Variants in RALA observed in about 807,000 individuals in gnomAD.
The protein encoded by RALA is RAS like proto-oncogene A.
Under a neutral mutation model 24.0 loss-of-function variants are expected in RALA, and 5 were observed. The observed-to-expected ratio is 0.21, with a 90% CI of 0.11 to 0.44. The LOEUF (loss-of-function observed/expected upper bound fraction) is 0.44, where lower values mean the gene tolerates loss of function less well. RALA is among the 20% of genes least tolerant of loss of function. RALA has a pLI of 0.99. For missense variants in RALA, 95 were observed against 241.2 expected (o/e 0.39, Z 4.01); for synonymous variants, 77 against 83.8 (o/e 0.92, Z 0.44).
At chr7:39,668,480 T>C (rs1467698830) in intron 1 of RALA, among the ~76,000 whole-genome samples, 1 of 152,132 alleles carries the variant, frequency 6.6e-6, no homozygotes, top group East Asian at 1.9e-4. Flanking sequence ...ACATAGCCAT[T>C]AAAAATTACA....
chr7:39,640,805 G>A (rs1791800774), intron 1 of RALA, among the ~76,000 whole-genome samples: 1 of 152,216 alleles, frequency 6.6e-6, no homozygotes, highest in African/African-American at 2.4e-5. Flanking sequence ...TTTGGACCAT[G>A]TGAAGCAAAT....
intron 4 of RALA, among the ~76,000 whole-genome samples, chr7:39,704,173 AAAAAAG>A (rs1423307186): frequency 2.6e-5 from 4 of 152,010 alleles, no homozygotes; most frequent in South Asian, 2.1e-4. Flanking sequence ...AAAAAAAAAA[AAAAAAG>A]AAGTTTAAGA....
chr7:39,678,567 A>G (rs1034091447), intron 1 of RALA, among the ~76,000 whole-genome samples: 3 of 152,224 alleles, frequency 2.0e-5, no homozygotes, highest in African/African-American at 7.2e-5. Flanking sequence ...CTATAGTATT[A>G]TTCTAGGATA....
chr7:39,671,701 A>G (rs1391714458), intron 1 of RALA, among the ~76,000 whole-genome samples: 4 of 152,212 alleles, frequency 2.6e-5, no homozygotes, highest in African/African-American at 9.7e-5. Flanking sequence ...CAGACAAGGC[A>G]AAACGTTAAA....
chr7:39,706,041 C>A (rs1400967974), intron 4 of RALA, 82 bp from the exon 5 acceptor site: 3 of 1,286,618 alleles, frequency 2.3e-6, no homozygotes, highest in Non-Finnish European at 3.2e-6. Context: ...TCTGTTACCC[C>A]CAAAGTTTAC....
chr7:39,650,485 T>C (rs1792001737), intron 1 of RALA, among the ~76,000 whole-genome samples: 1 of 151,902 alleles, frequency 6.6e-6, no homozygotes. Context: ...GGGGAAGAAA[T>C]AGGTATCAAA....
chr7:39,677,460 G>A (rs1792507278), intron 1 of RALA, among the ~76,000 whole-genome samples: 1 of 118,236 alleles, frequency 8.5e-6, no homozygotes, highest in Admixed American at 9.2e-5. Context: ...ATCATTGTTG[G>A]ACATTTGGGT....
At position 39,705,295 on chromosome 7, in the gene RALA, A is replaced by G. The variant is rs1003257773; in HGVS notation, c.499-828A>G. On this transcript the variant is annotated intron_variant, in intron 4 of 4. Transcript: ENST00000005257. ...ACTCACAGCACTCATTGTCGCTTTC[A>G]TATTTCTTGCTTTAGTCTGAGTTTT... Among the ~76,000 whole-genome samples, 4 of 152,182 alleles carry G rather than the reference A, an allele frequency of 2.6e-5. No homozygotes were observed. In the East Asian group the frequency reaches 7.7e-4, roughly 29 times the overall value.
At chr7:39,685,972 A>G (rs1411547771) in intron 1 of RALA, among the ~76,000 whole-genome samples, 2 of 152,150 alleles carry the variant, frequency 1.3e-5, no homozygotes, top group African/African-American at 4.8e-5. Context: ...TTGGGAGGCC[A>G]AGGCAGGCGG....
chr7:39,673,974 T>C (rs1445507065), intron 1 of RALA, among the ~76,000 whole-genome samples: 1 of 151,686 alleles, frequency 6.6e-6, no homozygotes, highest in Non-Finnish European at 1.5e-5. Flanking sequence ...TGAGACCTCG[T>C]CTCTACTAAA....
intron 1 of RALA, among the ~76,000 whole-genome samples, chr7:39,637,304 C>T (rs1791698436): frequency 6.6e-6 from 1 of 152,068 alleles, no homozygotes; most frequent in Non-Finnish European, 1.5e-5. Context: ...ATGGAACCTG[C>T]ACTTTTGTAT....
intron 1 of RALA, among the ~76,000 whole-genome samples, chr7:39,648,070 A>G (rs994533582): frequency 6.6e-6 from 1 of 152,212 alleles, no homozygotes; most frequent in Non-Finnish European, 1.5e-5. Context: ...TCAGATTTAT[A>G]CTTCCCTATT....
In RALA at chr7:39,660,739, G is replaced by A. The variant is rs75152775; in HGVS notation, c.-37-25892G>A. 8.3e-3 allele frequency among the ~76,000 whole-genome samples: 1,268 copies of A among 152,096 alleles called. 14 individuals are homozygous for A. The highest frequency in any genetic ancestry group is 0.029 in the African/African-American group (1,189 of 41,516). On this transcript the variant is annotated intron_variant, in intron 1 of 4. Transcript: ENST00000005257. ...TTTTTTTACAGATTTACAACAATTT[G>A]AAAAAACTTGCAGGTGAGCTGTATA...
At chr7:39,682,455 T>C (rs778781293) in intron 1 of RALA, among the ~76,000 whole-genome samples, 11 of 152,222 alleles carry the variant, frequency 7.2e-5, no homozygotes, top group Non-Finnish European at 1.2e-4. Context: ...ACACAAATTT[T>C]ACCACTATCC....
chr7:39,679,324 A>G (rs1253248367), intron 1 of RALA, among the ~76,000 whole-genome samples: 1 of 152,142 alleles, frequency 6.6e-6, no homozygotes, highest in Admixed American at 6.5e-5. Context: ...TTTGATTTTA[A>G]TTACAACCCT....
At chr7:39,665,390 T>C (rs1792266982) in intron 1 of RALA, among the ~76,000 whole-genome samples, 5 of 152,232 alleles carry the variant, frequency 3.3e-5, no homozygotes, top group African/African-American at 1.2e-4. Context: ...AACATATGTG[T>C]TAATCAACTA....
At position 39,635,069 on chromosome 7, in the gene RALA, G is replaced by A. The variant is rs548732305; in HGVS notation, c.-38+11244G>A. ...TTTGCCCTTTTAAATGTGCAGTTTT[G>A]CCAGGTGTGGTGGCTCACGCCTGTA... On this transcript the variant is annotated intron_variant, in intron 1 of 4. Coordinates refer to ENST00000005257, the MANE Select transcript of RALA (RefSeq NM_005402.4). 3.9e-5 allele frequency among the ~76,000 whole-genome samples: 6 copies of A among 152,102 alleles called. No homozygotes were observed. The East Asian group carries it at 1.2e-3, about 29-fold the overall frequency.
At chr7:39,681,623 C>A (rs905373092) in intron 1 of RALA, among the ~76,000 whole-genome samples, 1 of 152,054 alleles carries the variant, frequency 6.6e-6, no homozygotes, top group Non-Finnish European at 1.5e-5. Flanking sequence ...AGTGACTGTG[C>A]GATTACTAGA....
In RALA at chr7:39,628,412, CAT is replaced by C. The variant is rs1554294701; in HGVS notation, c.-38+4588_-38+4589del. Among the ~76,000 whole-genome samples, 29 of 141,282 alleles carry C rather than the reference CAT, an allele frequency of 2.1e-4. No individual in the cohort carries two copies. In the East Asian group the frequency reaches 5.1e-3, roughly 25 times the overall value. 92.7% of individuals were successfully genotyped at this position (141,282 alleles called of 152,430 possible). A position where few individuals can be genotyped will look rare whatever the true frequency, so the allele number is the denominator to read the frequency against. On this transcript the variant is annotated intron_variant, in intron 1 of 4. Coordinates refer to ENST00000005257, the MANE Select transcript of RALA (RefSeq NM_005402.4). Reference sequence around the variant, plus strand: ...ACACACACACACACACACACACACACATTCTTTCTCTCTCTTAAAGGCCTTCT... The same window carrying C: ...ACACACACACACACACACACACACACTCTTTCTCTCTCTTAAAGGCCTTCT...
Sources: allele counts gnomAD v4.1 joint callset (sites outside exome capture counted in the v4.1 genomes callset), GRCh38; gene constraint gnomAD v4.1.1; transcripts MANE v1.5; gene names NCBI Gene and HGNC (gene_info 2026-07-23, HGNC 2026-07-21).